ANK3: variants seen among roughly 807,000 people sequenced by gnomAD.
ANK3 encodes the protein ankyrin-3.
Under a neutral mutation model 370.9 loss-of-function variants are expected in ANK3, and 57 were observed. That is an observed-to-expected ratio of 0.15 (90% CI 0.12 to 0.19). The LOEUF (loss-of-function observed/expected upper bound fraction) is 0.19, where lower values mean the gene tolerates loss of function less well. Ranked by LOEUF, ANK3 falls within the 10% of genes least tolerant of loss-of-function variation. The pLI is 1.00. For missense variants in ANK3, 4,439 were observed against 5,302.1 expected, an observed-to-expected ratio of 0.84 and a Z score of 5.06; for synonymous variants, 1,929 against 1,946.3, an observed-to-expected ratio of 0.99 and a Z score of 0.23.
chr10:60,082,386 T>G, intron 34 of ANK3: 1 of 683,200 alleles, frequency 1.5e-6, no homozygotes, highest in Non-Finnish European at 2.4e-6. Context: ...AGCATAAAAA[T>G]CTATGCGCTA....
At chr10:60,125,672 G>C (rs1457503453) in intron 25 of ANK3, among the ~76,000 whole-genome samples, 1 of 152,176 alleles carries the variant, frequency 6.6e-6, no homozygotes, top group Admixed American at 6.5e-5. Context: ...TCTGCCGACG[G>C]GTGTGGGAGA....
intron 2 of ANK3, among the ~76,000 whole-genome samples, chr10:60,543,315 T>A (rs1438440344): frequency 1.3e-5 from 2 of 151,996 alleles, no homozygotes; most frequent in African/African-American, 4.8e-5. Flanking sequence ...TAGGAATGTA[T>A]ACCACAGAAA....
intron 7 of ANK3, among the ~76,000 whole-genome samples, chr10:60,260,539 T>C (rs1485712403): frequency 6.6e-6 from 1 of 152,096 alleles, no homozygotes; most frequent in Non-Finnish European, 1.5e-5. Flanking sequence ...TGTGTAGATG[T>C]ATGTCCCCAC....
At chr10:60,460,844 C>A (rs1367255155) in intron 2 of ANK3, among the ~76,000 whole-genome samples, 3 of 152,096 alleles carry the variant, frequency 2.0e-5, no homozygotes, top group Non-Finnish European at 1.5e-5. Flanking sequence ...TATTAAAATA[C>A]AAATCTATGG....
rs1201057642 is a variant in ANK3 at position 60,208,325 on chromosome 10, C to A, written c.997-92G>T. The A allele has an allele frequency of 9.0e-6, 10 of 1,112,916 alleles. No homozygotes were observed. The Admixed American group carries it at 1.9e-4, about 21-fold the overall frequency. The allele number at this position is 1,112,916 out of a possible 1,614,324, so 68.9% of individuals were successfully genotyped here. ...GTGCAAATATAAACAGATAAAAACT[C>A]CAGTTCTTCACATGAAAATACCTTC... is the stretch of plus-strand genomic sequence containing the variant. On this transcript the variant is annotated intron_variant, in intron 9 of 43. Coordinates refer to ENST00000280772, the MANE Select transcript of ANK3 (RefSeq NM_020987.5).
At chr10:60,506,645 A>G (rs1323883154) in intron 2 of ANK3, among the ~76,000 whole-genome samples, 2 of 152,130 alleles carry the variant, frequency 1.3e-5, no homozygotes, top group East Asian at 1.9e-4. Flanking sequence ...TCCCAGTAAA[A>G]TCCACGATAT....
intron 1 of ANK3, among the ~76,000 whole-genome samples, chr10:60,653,997 T>C (rs1260969472): frequency 6.6e-6 from 1 of 152,234 alleles, no homozygotes; most frequent in African/African-American, 2.4e-5. Context: ...TTTGTTTGAG[T>C]GTTTTTAAAC....
intron 23 of ANK3, among the ~76,000 whole-genome samples, chr10:60,142,549 G>A (rs1246817630): frequency 6.6e-6 from 1 of 151,214 alleles, no homozygotes; most frequent in Non-Finnish European, 1.5e-5. Flanking sequence ...ACATGTCATG[G>A]CAACTTAGCA....
At chr10:60,579,291 C>A (rs1199922972) in intron 2 of ANK3, among the ~76,000 whole-genome samples, 2 of 137,920 alleles carry the variant, frequency 1.5e-5, no homozygotes, top group African/African-American at 5.5e-5. Context: ...TGCCACTGCA[C>A]TCTGGCCTGG....
intron 2 of ANK3, among the ~76,000 whole-genome samples, chr10:60,563,803 T>A (rs1186848336): frequency 6.6e-6 from 1 of 152,200 alleles, no homozygotes; most frequent in Non-Finnish European, 1.5e-5. Flanking sequence ...TTATATCATG[T>A]TTTTTCCATC....
intron 2 of ANK3, among the ~76,000 whole-genome samples, chr10:60,571,531 A>G (rs181954557): frequency 7.7e-4 from 118 of 152,340 alleles, no homozygotes; most frequent in Non-Finnish European, 1.3e-3. Context: ...GAGTCCTAGT[A>G]ATTAAAATAT....
At position 60,648,582 on chromosome 10, in the gene ANK3, A is replaced by G. The variant is rs184297000; in HGVS notation, c.58-33358T>C. On this transcript the variant is annotated intron_variant, in intron 1 of 43. Coordinates refer to the ANK3 transcript ENST00000373827. Reference sequence around the variant, plus strand: ...TCAGGAGTTCGAGACCAGCCTGGCCAACATAGTGAAATCCTTGTCTCTACA... The same window carrying G: ...TCAGGAGTTCGAGACCAGCCTGGCCGACATAGTGAAATCCTTGTCTCTACA... 1.8e-3 allele frequency among the ~76,000 whole-genome samples: 266 copies of G among 150,078 alleles called. 1 individual carries two copies. Among genetic ancestry groups the G allele is most frequent in the African/African-American group, 6.3e-3 (259 of 41,038 alleles).
At chr10:60,037,307 G>A (rs2075226258) in intron 43 of ANK3, among the ~76,000 whole-genome samples, 1 of 152,108 alleles carries the variant, frequency 6.6e-6, no homozygotes, top group Non-Finnish European at 1.5e-5. Context: ...AAATCCTTCA[G>A]AGGCTTCGAA....
intron 1 of ANK3, among the ~76,000 whole-genome samples, chr10:60,321,423 AAAAGAAAAGAAAAGG>A (rs1172662305): frequency 1.4e-5 from 2 of 140,804 alleles, no homozygotes; most frequent in African/African-American, 5.2e-5. Flanking sequence ...AAAAGAAAAG[AAAAGAAAAGAAAAGG>A]CATAGCTTAC....
chr10:60,300,193 G>T (rs182622787), intron 1 of ANK3: 242 of 475,380 alleles, frequency 5.1e-4, no homozygotes, highest in African/African-American at 3.9e-3. Context: ...CAAGTGATCC[G>T]TAGTGCAAAC....
rs74431683 is a variant in ANK3 at position 60,520,083 on chromosome 10, A to T, written c.96+95103T>A. On this transcript the variant is annotated intron_variant, in intron 2 of 43. Coordinates refer to the ANK3 transcript ENST00000373827. ...TTCCATTTTAGCGGTACATATACAC[A>T]TGGAATACTACATAGTCATCAAAAA... 4.8e-3 allele frequency among the ~76,000 whole-genome samples: 725 copies of T among 152,264 alleles called. 9 individuals carry two copies. Among genetic ancestry groups the T allele is most frequent in the African/African-American group, 0.016 (682 of 41,562 alleles).
At chr10:60,498,589 C>T (rs1217002283) in intron 2 of ANK3, among the ~76,000 whole-genome samples, 6 of 152,156 alleles carry the variant, frequency 3.9e-5, no homozygotes, top group Admixed American at 6.5e-5. Flanking sequence ...CACAGTCTCA[C>T]TCTGTTTCTC....
At chr10:60,137,546 T>C (rs2094411445) in intron 24 of ANK3, among the ~76,000 whole-genome samples, 1 of 151,988 alleles carries the variant, frequency 6.6e-6, no homozygotes, top group African/African-American at 2.4e-5. Flanking sequence ...AATATTGGCT[T>C]TATAGATTTT....
chr10:60,516,554 A>T (rs1310927468), intron 2 of ANK3, among the ~76,000 whole-genome samples: 1 of 152,086 alleles, frequency 6.6e-6, no homozygotes, highest in Non-Finnish European at 1.5e-5. Flanking sequence ...CTGTAGACAA[A>T]ATAATGAGGC....
Sources: allele counts gnomAD v4.1 joint callset (sites outside exome capture counted in the v4.1 genomes callset), GRCh38; gene constraint gnomAD v4.1.1; transcripts MANE v1.5; gene names NCBI Gene and HGNC (gene_info 2026-07-23, HGNC 2026-07-21).